Variants in NSMCE2 observed in about 807,000 individuals in gnomAD.
The protein encoded by NSMCE2 is NSE2 SUMO ligase component of SMC5/6 complex, also known as E3 SUMO-protein ligase NSE2.
Under a neutral mutation model 23.8 loss-of-function variants are expected in NSMCE2, and 24 were observed. The observed-to-expected ratio is 1.01, with a 90% CI of 0.73 to 1.42. The LOEUF (loss-of-function observed/expected upper bound fraction) is 1.42, where lower values mean the gene tolerates loss of function less well. Among genes scored for constraint, NSMCE2 ranks in the 40% most tolerant of loss-of-function variants. The pLI is 0.00. For missense variants in NSMCE2, 284 were observed against 296.5 expected (o/e 0.96, Z 0.31); for synonymous variants, 92 against 94.1 (o/e 0.98, Z 0.13).
At chr8:125,266,443 A>G (rs1428248514) in intron 5 of NSMCE2, among the ~76,000 whole-genome samples, 2 of 152,256 alleles carry the variant, frequency 1.3e-5, no homozygotes, top group Non-Finnish European at 2.9e-5. Context: ...AATAATGAAA[A>G]TAGTTCATAA....
At chr8:125,174,038 C>G (rs930110225) in intron 4 of NSMCE2, among the ~76,000 whole-genome samples, 1 of 152,086 alleles carries the variant, frequency 6.6e-6, no homozygotes, top group African/African-American at 2.4e-5. Flanking sequence ...TTCACCTTGC[C>G]CTCAGTATGA....
intron 5 of NSMCE2, among the ~76,000 whole-genome samples, chr8:125,186,141 G>A (rs1213774418): frequency 6.6e-6 from 1 of 152,170 alleles, no homozygotes; most frequent in Non-Finnish European, 1.5e-5. Flanking sequence ...CAAAAGGGGA[G>A]TAATATTTGG....
At chr8:125,255,161 A>G (rs549452646) in intron 5 of NSMCE2, among the ~76,000 whole-genome samples, 206 of 152,146 alleles carry the variant, frequency 1.4e-3, no homozygotes, top group African/African-American at 4.7e-3. Flanking sequence ...TGAATGAGCC[A>G]TCTTGGAGGT....
intron 5 of NSMCE2, among the ~76,000 whole-genome samples, chr8:125,218,975 T>G (rs1368522480): frequency 6.6e-6 from 1 of 152,220 alleles, no homozygotes; most frequent in Non-Finnish European, 1.5e-5. Flanking sequence ...GACCAAATTT[T>G]CTGCAGTTTT....
At chr8:125,290,755 CA>C (rs1381158939) in intron 5 of NSMCE2, among the ~76,000 whole-genome samples, 1 of 152,186 alleles carries the variant, frequency 6.6e-6, no homozygotes, top group African/African-American at 2.4e-5. Flanking sequence ...AGACAGTTCT[CA>C]GACAGGATGG....
chr8:125,361,067 CTT>C (rs11336684), intron 7 of NSMCE2, among the ~76,000 whole-genome samples: 337 of 139,982 alleles, frequency 2.4e-3, no homozygotes, highest in African/African-American at 8.1e-3. Flanking sequence ...TTATGATTTC[CTT>C]TTTTTTTTTT....
intron 5 of NSMCE2, among the ~76,000 whole-genome samples, chr8:125,263,556 C>T (rs1039294080): frequency 3.3e-5 from 5 of 152,028 alleles, no homozygotes; most frequent in East Asian, 1.9e-4. Flanking sequence ...TTGAGACCAG[C>T]GTTGCCAACA....
At chr8:125,356,353 A>G (rs1327146769) in intron 5 of NSMCE2, among the ~76,000 whole-genome samples, 3 of 124,964 alleles carry the variant, frequency 2.4e-5, no homozygotes, top group African/African-American at 8.9e-5. Flanking sequence ...TTTTTGAGAC[A>G]GAGTCTCGCT....
intron 4 of NSMCE2, among the ~76,000 whole-genome samples, chr8:125,162,365 A>G (rs929261624): frequency 5.3e-5 from 8 of 152,202 alleles, no homozygotes; most frequent in Admixed American, 1.3e-4. Flanking sequence ...CATGTTTTAT[A>G]ATAGTAATGG....
chr8:125,293,092 G>T (rs1828178057), intron 5 of NSMCE2, among the ~76,000 whole-genome samples: 1 of 152,212 alleles, frequency 6.6e-6, no homozygotes, highest in Non-Finnish European at 1.5e-5. Context: ...CTGTTTCAGG[G>T]ATTCTGCAAA....
chr8:125,357,260 GT>G lies in NSMCE2; in HGVS notation c.461del (p.Val154GlyfsTer5). 4 of 1,613,918 alleles carry G rather than the reference GT, an allele frequency of 2.5e-6. No homozygotes were observed. The highest frequency in any genetic ancestry group is 3.4e-6 in the Non-Finnish European group (4 of 1,179,792). ...CAGAGAAGCTGACGGAACAGAAGGA[GT>G]GGATGAAGATATAATTGTGACCCAA... Reference protein sequence around the residue: ...ADREADGTEGVDEDIIVTQSQ... With the variant: ...ADREADGTEGXDEDIIVTQSQ... On this transcript the variant is annotated frameshift_variant, in exon 6 of 8. Coordinates refer to ENST00000287437, the MANE Select transcript of NSMCE2 (RefSeq NM_173685.4). LOFTEE classifies it high-confidence loss of function.
At chr8:125,267,507 C>T (rs1174635381) in intron 5 of NSMCE2, among the ~76,000 whole-genome samples, 2 of 152,158 alleles carry the variant, frequency 1.3e-5, no homozygotes, top group Non-Finnish European at 2.9e-5. Flanking sequence ...AGTACTTTGC[C>T]AGGCATGGTG....
intron 5 of NSMCE2, among the ~76,000 whole-genome samples, chr8:125,272,007 T>C (rs1827215899): frequency 1.2e-5 from 1 of 85,170 alleles, no homozygotes; most frequent in Admixed American, 1.4e-4. Flanking sequence ...GAATCTGCAG[T>C]TTCTTTCTTT....
intron 3 of NSMCE2, among the ~76,000 whole-genome samples, chr8:125,129,544 CTGTGTGTGTGTG>C (rs10578122): frequency 1.2e-4 from 18 of 145,462 alleles, no homozygotes; most frequent in African/African-American, 4.5e-4. Flanking sequence ...AGATTTGGCT[CTGTGTGTGTGTG>C]TGTGTGTGTG....
chr8:125,106,579 G>A (rs1315859799), intron 3 of NSMCE2, among the ~76,000 whole-genome samples: 1 of 152,144 alleles, frequency 6.6e-6, no homozygotes, highest in Non-Finnish European at 1.5e-5. Context: ...TCAGGACTCA[G>A]GAGGCTGAGG....
At chr8:125,261,265 T>C (rs1361218623) in intron 5 of NSMCE2, among the ~76,000 whole-genome samples, 1 of 152,206 alleles carries the variant, frequency 6.6e-6, no homozygotes, top group Non-Finnish European at 1.5e-5. Context: ...TGTGTTAATC[T>C]AGGGAAAGAA....
chr8:125,180,983 T>A (rs1467590091), intron 4 of NSMCE2, among the ~76,000 whole-genome samples: 1 of 152,146 alleles, frequency 6.6e-6, no homozygotes, highest in Admixed American at 6.6e-5. Context: ...TGAATATTCC[T>A]GGAGTGGTGG....
chr8:125,155,568 T>G (rs1233790300), intron 4 of NSMCE2, among the ~76,000 whole-genome samples: 1 of 152,234 alleles, frequency 6.6e-6, no homozygotes, highest in Non-Finnish European at 1.5e-5. Context: ...ATGGCAGTAG[T>G]TGATTTAAGA....
chr8:125,222,564 C>CA (rs1188223307), intron 5 of NSMCE2, among the ~76,000 whole-genome samples: 3 of 152,114 alleles, frequency 2.0e-5, no homozygotes, highest in Non-Finnish European at 2.9e-5. Flanking sequence ...ATGCTATTCT[C>CA]AAAGTCTATG....
Sources: gnomAD v4.1 joint callset for allele counts (sites outside exome capture counted in the v4.1 genomes callset) on GRCh38, gnomAD v4.1.1 for gene constraint, MANE v1.5 for transcripts, NCBI Gene and HGNC (gene_info 2026-07-23, HGNC 2026-07-21) for gene names.